GALNT10: variants seen among roughly 807,000 people sequenced by gnomAD.
The protein encoded by GALNT10 is GalNAc transferase 10.
Under a neutral mutation model 75.0 loss-of-function variants are expected in GALNT10, and 41 were observed. That is an observed-to-expected ratio of 0.55 (90% CI 0.43 to 0.71). The LOEUF is 0.71. Among genes scored for constraint, GALNT10 ranks in the 30% least tolerant of loss-of-function variants. The pLI is 0.00. For missense variants in GALNT10, 727 were observed against 818.5 expected (o/e 0.89, Z 1.36); for synonymous variants, 302 against 313.0 (o/e 0.96, Z 0.37).
rs1412964817 is a variant in GALNT10, at chr5:154,298,590, G to T, written c.401+511G>T. On this transcript the variant is annotated intron_variant, in intron 3 of 11. Coordinates refer to ENST00000297107, the MANE Select transcript of GALNT10 (RefSeq NM_198321.4). This position sits in a 1 kb window ranked among gnomAD's most constrained non-coding sequence, Gnocchi z 4.1. The stretch of plus-strand genomic sequence containing the variant: ...TATTTGTATCATCTCAGGTTGCTGT[G>T]AGGTAGGTCCTGTAATGATGCCGAT... Among the ~76,000 whole-genome samples the T allele has an allele frequency of 6.6e-6, 1 of 152,214 alleles. No individual in the cohort carries two copies. The highest frequency in any genetic ancestry group is 1.5e-5 in the Non-Finnish European group (1 of 68,038).
Position 154,350,935 on chromosome 5 carries a change from C to G in GALNT10, c.568+21197C>G, listed in dbSNP as rs153419. 0.013 allele frequency among the ~76,000 whole-genome samples: 1,979 copies of G among 152,316 alleles called. 92 individuals carry two copies. In the East Asian group the frequency reaches 0.18, roughly 14 times the overall value. ...TAAAACCTGGTTTGCTGGGTCCCCCCACTTGTAGTTTCTGATTCAGCAGGT... is the reference window on the plus strand; with the variant it reads ...TAAAACCTGGTTTGCTGGGTCCCCCGACTTGTAGTTTCTGATTCAGCAGGT... On this transcript the variant is annotated intron_variant, in intron 4 of 11. Transcript: ENST00000297107.
At chr5:154,384,730 C>G (rs1056064255) in intron 6 of GALNT10, among the ~76,000 whole-genome samples, 1 of 152,182 alleles carries the variant, frequency 6.6e-6, no homozygotes, top group East Asian at 1.9e-4. Context: ...GTGTTCCTGC[C>G]TGCCTGGAGG....
chr5:154,387,522 A>C (rs1003672721), intron 7 of GALNT10: 3 of 152,236 alleles, frequency 2.0e-5, no homozygotes, highest in Non-Finnish European at 4.4e-5. Context: ...GGCACAGTGA[A>C]TTAAGGCTTT....
In GALNT10 at chr5:154,390,811, T is replaced by G. The variant is rs1035130846; in HGVS notation, c.1056+4381T>G. On this transcript the variant is annotated intron_variant, in intron 7 of 11. Transcript: ENST00000297107. ...CTATGTGTTTCAAAGACCCATCTAC[T>G]GATGCTCATCAGGCAATTATGGCAG... Among the ~76,000 whole-genome samples, 3 of 152,250 alleles carry G rather than the reference T, an allele frequency of 2.0e-5. No individual in the cohort carries two copies. The East Asian group carries it at 5.8e-4, about 29-fold the overall frequency.
chr5:154,335,966 CCT>C (rs1359336220), intron 4 of GALNT10, among the ~76,000 whole-genome samples: 1 of 152,212 alleles, frequency 6.6e-6, no homozygotes, highest in Non-Finnish European at 1.5e-5. Flanking sequence ...CCCTAAAAAT[CCT>C]CTGTGCTCCA....
chr5:154,209,135 G>A (rs1456959603), intron 1 of GALNT10, among the ~76,000 whole-genome samples: 1 of 152,204 alleles, frequency 6.6e-6, no homozygotes, highest in African/African-American at 2.4e-5. Flanking sequence ...GCTGCACACC[G>A]CAGGAGCTAG....
At chr5:154,304,378 G>T (rs1264396425) in intron 3 of GALNT10, among the ~76,000 whole-genome samples, 1 of 152,084 alleles carries the variant, frequency 6.6e-6, no homozygotes, top group East Asian at 1.9e-4. Flanking sequence ...AGCAGCCAGA[G>T]AAATAAAGCA....
intron 1 of GALNT10, among the ~76,000 whole-genome samples, chr5:154,281,250 G>A (rs1427990323): frequency 6.6e-6 from 1 of 152,052 alleles, no homozygotes; most frequent in Non-Finnish European, 1.5e-5. Flanking sequence ...GTGTTTTGTA[G>A]TTTTCAGTGT....
chr5:154,236,313 A>G (rs1435636857), intron 1 of GALNT10, among the ~76,000 whole-genome samples: 1 of 152,246 alleles, frequency 6.6e-6, no homozygotes, highest in Non-Finnish European at 1.5e-5. Flanking sequence ...TAAAATGCCC[A>G]GCTCAGTGCC....
At chr5:154,272,497 G>A (rs1306535836) in intron 1 of GALNT10, among the ~76,000 whole-genome samples, 2 of 152,184 alleles carry the variant, frequency 1.3e-5, no homozygotes, top group Non-Finnish European at 2.9e-5. Flanking sequence ...GTTACCTGTG[G>A]GTGTTTTGTC....
At chr5:154,368,076 G>A (rs1429340222) in intron 4 of GALNT10, among the ~76,000 whole-genome samples, 2 of 152,196 alleles carry the variant, frequency 1.3e-5, no homozygotes, top group Admixed American at 6.5e-5. Flanking sequence ...AGGAATCACA[G>A]GGAAGGCTTG....
intron 3 of GALNT10, among the ~76,000 whole-genome samples, chr5:154,305,058 T>A (rs1425219514): frequency 6.6e-6 from 1 of 152,130 alleles, no homozygotes; most frequent in Admixed American, 6.5e-5. Flanking sequence ...TCCTAGCTAC[T>A]CAGCAGGCTG....
intron 1 of GALNT10, 90 bp downstream of exon 1, chr5:154,191,115 C>T: frequency 3.4e-6 from 3 of 890,376 alleles, no homozygotes; most frequent in Non-Finnish European, 4.6e-6. Flanking sequence ...CTGCTGTCTG[C>T]CTCCTCAGAG....
At chr5:154,200,668 A>G (rs1343372600) in intron 1 of GALNT10, among the ~76,000 whole-genome samples, 1 of 152,146 alleles carries the variant, frequency 6.6e-6, no homozygotes. Context: ...GAGAGCCAGG[A>G]TCTGTCATTT....
At chr5:154,220,379 G>A (rs1397682108) in intron 1 of GALNT10, 4 of 152,208 alleles carry the variant, frequency 2.6e-5, no homozygotes, top group East Asian at 1.9e-4. Context: ...AAAATGGGAA[G>A]GAAGAACCCA....
chr5:154,402,207 C>G lies in GALNT10; in HGVS notation c.1057-1897C>G, dbSNP rs936394275. 6.6e-6 allele frequency among the ~76,000 whole-genome samples: 1 copy of G among 152,226 alleles called. No homozygotes were observed. Among genetic ancestry groups the G allele is most frequent in the African/African-American group, 2.4e-5 (1 of 41,464 alleles). The stretch of plus-strand genomic sequence containing the variant: ...CGTGAGGGCCCTGCGGGAGCCCTGC[C>G]CGCGTCTCTGGCCTCCCCTCCCATC... On this transcript the variant is annotated intron_variant, in intron 7 of 11. Transcript: ENST00000297107. The surrounding 1 kb of genome is among the most constrained non-coding windows in gnomAD (Gnocchi z 4.2).
chr5:154,275,878 A>G (rs1207983724), intron 1 of GALNT10, among the ~76,000 whole-genome samples: 6 of 152,122 alleles, frequency 3.9e-5, no homozygotes, highest in Admixed American at 1.3e-4. Context: ...AGCATTCACA[A>G]AGGTTTGCCC....
intron 1 of GALNT10, among the ~76,000 whole-genome samples, chr5:154,247,426 A>C (rs1177488693): frequency 6.6e-6 from 1 of 152,164 alleles, no homozygotes; most frequent in Non-Finnish European, 1.5e-5. Context: ...ATGATAATTG[A>C]TTCTTCCTAC....
chr5:154,418,023 A>G lies in GALNT10; in HGVS notation c.*1051A>G, dbSNP rs1756550683. The G allele has an allele frequency of 6.6e-6, 1 of 152,246 alleles. No homozygotes were observed. Among genetic ancestry groups the G allele is most frequent in the African/African-American group, 2.4e-5 (1 of 41,458 alleles). The allele number at this position is 152,246 out of a possible 1,614,324, so 9.4% of individuals were successfully genotyped here. A position where few individuals can be genotyped will look rare whatever the true frequency, so the allele number is the denominator to read the frequency against. ...AACTCCAGAATTTTTAAAGAACTCTATAATTGGATTGCAAACTAGGATGCT... is the reference window on the plus strand; with the variant it reads ...AACTCCAGAATTTTTAAAGAACTCTGTAATTGGATTGCAAACTAGGATGCT... On this transcript the variant is annotated 3_prime_UTR_variant, in exon 12 of 12. Transcript: ENST00000297107.
Sources: gnomAD v4.1 joint callset for allele counts (sites outside exome capture counted in the v4.1 genomes callset) on GRCh38, gnomAD v4.1.1 for gene constraint, Gnocchi (gnomAD v3.1) non-coding constraint, MANE v1.5 for transcripts, NCBI Gene and HGNC (gene_info 2026-07-23, HGNC 2026-07-21) for gene names.